Variants in KIAA0586 observed in about 807,000 individuals in gnomAD.
KIAA0586 encodes KIAA0586.
A neutral mutation model predicts 169.8 loss-of-function variants in KIAA0586; 144 were observed. The observed-to-expected ratio is 0.85, with a 90% CI of 0.74 to 0.97. The LOEUF is 0.97. Among genes scored for constraint, KIAA0586 ranks in the 50% least tolerant of loss-of-function variants. The pLI is 0.00. For synonymous variants in KIAA0586, 625 were observed against 612.4 expected (o/e 1.02, Z -0.30); for missense variants, 1,854 against 1,823.0 (o/e 1.02, Z -0.31).
At chr14:58,513,391 G>A (rs1053022405) in intron 29 of KIAA0586, among the ~76,000 whole-genome samples, 3 of 151,976 alleles carry the variant, frequency 2.0e-5, no homozygotes, top group Admixed American at 1.3e-4. Flanking sequence ...ATTTAATTGA[G>A]CAAATGCATA....
chr14:58,478,916 A>G (rs1430575747), intron 20 of KIAA0586, among the ~76,000 whole-genome samples: 1 of 152,246 alleles, frequency 6.6e-6, no homozygotes, highest in East Asian at 1.9e-4. Context: ...GTAATAGTAT[A>G]ATGTATAGAT....
intron 10 of KIAA0586, 31 bp downstream of exon 10, chr14:58,456,841 T>C: frequency 9.1e-7 from 1 of 1,094,464 alleles, no homozygotes; most frequent in Admixed American, 2.2e-5. Flanking sequence ...AAATTGATGA[T>C]TAGTTAAGAT....
intron 30 of KIAA0586, among the ~76,000 whole-genome samples, chr14:58,547,511 T>C (rs2047055010): frequency 6.6e-6 from 1 of 152,142 alleles, no homozygotes; most frequent in African/African-American, 2.4e-5. Flanking sequence ...TTACATTTGA[T>C]CTTACTTAGC....
chr14:58,482,759 G>A (rs777519414), intron 21 of KIAA0586, 47 bp downstream of exon 21: 14 of 1,317,274 alleles, frequency 1.1e-5, no homozygotes, highest in Non-Finnish European at 1.5e-5. Flanking sequence ...TAAAATAGAT[G>A]AATTTTAAGC....
intron 29 of KIAA0586, chr14:58,537,189 T>C (rs984360806): frequency 1.9e-6 from 2 of 1,053,030 alleles, no homozygotes; most frequent in Non-Finnish European, 2.3e-6. Context: ...TTACTTGTTA[T>C]AAGAATAAAA....
intron 4 of KIAA0586, among the ~76,000 whole-genome samples, chr14:58,442,267 G>T (rs988784689): frequency 1.3e-5 from 2 of 151,886 alleles, no homozygotes; most frequent in African/African-American, 4.8e-5. Flanking sequence ...ATGCCACCAC[G>T]CCCGGCTAAT....
At chr14:58,553,883 C>T (rs1036943213), downstream of KIAA0586, among the ~76,000 whole-genome samples, 3 of 152,154 alleles carry the variant, frequency 2.0e-5, no homozygotes, top group Non-Finnish European at 4.4e-5. Context: ...TTTATTTACT[C>T]ATGATTTTGG....
intron 8 of KIAA0586, 104 bp from the exon 9 acceptor site, chr14:58,453,246 A>G: frequency 1.6e-6 from 1 of 615,826 alleles, no homozygotes; most frequent in African/African-American, 2.0e-5. Context: ...GTAGATAATC[A>G]TCATAAGAAG....
Position 58,444,071 on chromosome 14 carries a change from C to G in KIAA0586, c.703C>G (p.Gln235Glu). The G allele has an allele frequency of 6.2e-7, 1 of 1,613,344 alleles. No homozygotes were observed. The highest frequency in any genetic ancestry group is 8.5e-7 in the Non-Finnish European group (1 of 1,179,468). ...TEQQTSIQRK[Q>E]EKLHCHDHEK... ...GCAGCAAACAAGCATTCAGAGGAAA[C>G]AAGAGAAATTACATTGTCATGATCA... is the stretch of plus-strand genomic sequence containing the variant. The change falls in exon 6 of 31, where the codon CAA becomes GAA. Residue 235 changes from glutamine (Q) to glutamate (E), a missense_variant. Transcript: ENST00000652326.
At chr14:58,467,976 T>A in intron 16 of KIAA0586, 54 bp downstream of exon 16, 1 of 1,206,240 alleles carries the variant, frequency 8.3e-7, no homozygotes, top group Non-Finnish European at 1.2e-6. Context: ...TTTTTTTGCT[T>A]AACGTTAGTA....
the KIAA0586 span, among the ~76,000 whole-genome samples, chr14:58,560,150 C>CAAAAAA: frequency 1.2e-5 from 1 of 86,314 alleles, no homozygotes; most frequent in Non-Finnish European, 2.4e-5. Flanking sequence ...GACTCCATCT[C>CAAAAAA]AAAAAAAAAA....
intron 9 of KIAA0586, among the ~76,000 whole-genome samples, 154 bp from the exon 10 acceptor site, chr14:58,456,548 T>C (rs2039866933): frequency 2.0e-5 from 3 of 152,226 alleles, no homozygotes; most frequent in Admixed American, 6.5e-5. Flanking sequence ...ACATAACTGA[T>C]TAATTCCATA....
chr14:58,456,841 TTAGTTAAGATAAAAATTAAA>T (rs2039900027), intron 10 of KIAA0586, 31 bp downstream of exon 10: 6 of 1,094,464 alleles, frequency 5.5e-6, no homozygotes, highest in Non-Finnish European at 8.1e-6. Flanking sequence ...AAATTGATGA[TTAGTTAAGATAAAAATTAAA>T]AAGGAATAAA....
intron 21 of KIAA0586, among the ~76,000 whole-genome samples, chr14:58,484,898 A>ATATATTTATATATATTTATATATATT (rs1230592298): frequency 2.0e-4 from 1 of 4,894 alleles, no homozygotes; most frequent in Non-Finnish European, 4.2e-4. Flanking sequence ...ATTTATATAT[A>ATATATTTATATATATTTATATATATT]TATATATATA....
chr14:58,489,239 T>TTTTTTG (rs2042675282), intron 24 of KIAA0586, among the ~76,000 whole-genome samples: 1 of 150,906 alleles, frequency 6.6e-6, no homozygotes, highest in Admixed American at 6.6e-5. Flanking sequence ...TTTTTTTTTT[T>TTTTTTG]GAGACAGGTT....
chr14:58,533,956 C>A (rs987706552), intron 29 of KIAA0586, among the ~76,000 whole-genome samples: 1 of 152,188 alleles, frequency 6.6e-6, no homozygotes, highest in Admixed American at 6.5e-5. Flanking sequence ...TTCACTCTTT[C>A]AAAAGTTACC....
chr14:58,462,166 A>G (rs574270303), intron 14 of KIAA0586, among the ~76,000 whole-genome samples: 2 of 152,234 alleles, frequency 1.3e-5, no homozygotes, highest in Non-Finnish European at 2.9e-5. Context: ...TTTAAAATAG[A>G]AAGCATATAG....
intron 16 of KIAA0586, 62 bp from the exon 17 acceptor site, chr14:58,470,551 A>T: frequency 1.1e-6 from 1 of 949,688 alleles, no homozygotes; most frequent in Non-Finnish European, 1.7e-6. Context: ...ATATACACAT[A>T]CTCATAAAAA....
chr14:58,480,576 G>T lies in KIAA0586; in HGVS notation c.2945-1937G>T, dbSNP rs529199735. ...GAATATTGTGCTTGATGCTCCCCTG[G>T]CATCTCATCTTTAGTATGTCTAAAA... On this transcript the variant is annotated intron_variant, in intron 20 of 30. Coordinates refer to ENST00000652326, the MANE Select transcript of KIAA0586 (RefSeq NM_001329943.3). 7.2e-5 allele frequency among the ~76,000 whole-genome samples: 11 copies of T among 152,112 alleles called. No homozygotes were observed. In the East Asian group the frequency reaches 1.9e-3, roughly 27 times the overall value.
Sources: allele counts gnomAD v4.1 joint callset (sites outside exome capture counted in the v4.1 genomes callset), GRCh38; gene constraint gnomAD v4.1.1; transcripts MANE v1.5; gene names NCBI Gene and HGNC (gene_info 2026-07-23, HGNC 2026-07-21).